LRP1B: variants seen among roughly 807,000 people sequenced by gnomAD.
LRP1B encodes the protein low-density lipoprotein receptor-related protein 1B.
In LRP1B, 217 loss-of-function variants were observed where a neutral mutation model predicts 556.6. The observed-to-expected ratio is 0.39, with a 90% CI of 0.35 to 0.44. LRP1B has a LOEUF of 0.44. Ranked by LOEUF, LRP1B falls within the 20% of genes least tolerant of loss-of-function variation. The pLI, the probability that LRP1B is intolerant of heterozygous loss-of-function variation, is 1.00. For synonymous variants in LRP1B, 2,047 were observed against 1,865.8 expected (o/e 1.10, Z -2.50); for missense variants, 5,053 against 5,620.8 (o/e 0.90, Z 3.23).
chr2:141,304,448 T>C (rs1686508739), intron 3 of LRP1B, among the ~76,000 whole-genome samples: 1 of 150,966 alleles, frequency 6.6e-6, no homozygotes, highest in Non-Finnish European at 1.5e-5. Context: ...TTTTGTATAT[T>C]GAGAAAGTAG....
chr2:140,716,285 T>A (rs993089048), intron 36 of LRP1B, among the ~76,000 whole-genome samples, 183 bp from the exon 37 acceptor site: 1 of 152,094 alleles, frequency 6.6e-6, no homozygotes, highest in Non-Finnish European at 1.5e-5. Flanking sequence ...ATACTTTCAA[T>A]CCTAATCTCA....
chr2:140,910,598 T>G (rs1190083287), intron 21 of LRP1B, among the ~76,000 whole-genome samples: 1 of 151,840 alleles, frequency 6.6e-6, no homozygotes, highest in Non-Finnish European at 1.5e-5. Flanking sequence ...AAAAGCATAT[T>G]TTTAAAAAAT....
chr2:140,761,816 C>G (rs1368892810), intron 35 of LRP1B, among the ~76,000 whole-genome samples: 1 of 151,638 alleles, frequency 6.6e-6, no homozygotes, highest in Non-Finnish European at 1.5e-5. Context: ...AGCAAGCTGA[C>G]CAATAGAAGC....
At chr2:140,564,614 A>G (rs1681059090) in intron 43 of LRP1B, among the ~76,000 whole-genome samples, 1 of 152,154 alleles carries the variant, frequency 6.6e-6, no homozygotes, top group African/African-American at 2.4e-5. Flanking sequence ...TATCCTCCTG[A>G]CTTCCAAAAT....
intron 32 of LRP1B, among the ~76,000 whole-genome samples, chr2:140,788,704 G>T (rs1689998627): frequency 6.6e-6 from 1 of 152,186 alleles, no homozygotes; most frequent in African/African-American, 2.4e-5. Context: ...CTTAAGCAAA[G>T]TCTAAAGAGG....
chr2:141,218,438 A>G (rs1682903055), intron 6 of LRP1B, among the ~76,000 whole-genome samples: 1 of 152,216 alleles, frequency 6.6e-6, no homozygotes, highest in Non-Finnish European at 1.5e-5. Flanking sequence ...TATACCCAAT[A>G]GAACACTATG....
intron 84 of LRP1B, among the ~76,000 whole-genome samples, chr2:140,284,696 T>C (rs189429288): frequency 6.8e-6 from 1 of 146,760 alleles, no homozygotes; most frequent in Admixed American, 7.1e-5. Context: ...AGCAACGATT[T>C]CTGATATACA....
intron 82 of LRP1B, among the ~76,000 whole-genome samples, chr2:140,320,050 C>G (rs1295729041): frequency 6.6e-6 from 1 of 152,152 alleles, no homozygotes; most frequent in Non-Finnish European, 1.5e-5. Flanking sequence ...ACTTCTCAGA[C>G]AGCTTTTCTG....
chr2:140,474,092 C>T (rs191489713), intron 60 of LRP1B, among the ~76,000 whole-genome samples: 1 of 152,060 alleles, frequency 6.6e-6, no homozygotes, highest in Non-Finnish European at 1.5e-5. Flanking sequence ...TGTTCTTACC[C>T]TTAAGAAAGC....
At chr2:142,088,027 T>A (rs1243331035) in intron 1 of LRP1B, among the ~76,000 whole-genome samples, 2 of 152,188 alleles carry the variant, frequency 1.3e-5, no homozygotes, top group Non-Finnish European at 1.5e-5. Flanking sequence ...ATTATTTATG[T>A]GTCAAAAGTG....
chr2:141,329,415 C>T (rs113003661), intron 3 of LRP1B, among the ~76,000 whole-genome samples: 3,083 of 144,818 alleles, frequency 0.021, 56 homozygotes, highest in Non-Finnish European at 0.034. Flanking sequence ...GAGGCCGAGG[C>T]TGGTGGATCC....
chr2:141,240,530 A>G (rs1054530696), intron 5 of LRP1B, among the ~76,000 whole-genome samples: 1 of 152,080 alleles, frequency 6.6e-6, no homozygotes, highest in African/African-American at 2.4e-5. Context: ...TAATTTTTAT[A>G]AATTTAAATG....
chr2:141,674,800 C>T (rs542910656), intron 2 of LRP1B, among the ~76,000 whole-genome samples: 33 of 152,016 alleles, frequency 2.2e-4, no homozygotes, highest in South Asian at 1.0e-3. Context: ...TGCATTGCAA[C>T]GGGTAGATTT....
At chr2:140,294,198 A>G (rs1297254697) in intron 84 of LRP1B, among the ~76,000 whole-genome samples, 4 of 152,180 alleles carry the variant, frequency 2.6e-5, no homozygotes, top group Admixed American at 2.0e-4. Context: ...GACATGTTCT[A>G]TGTTGGTCTA....
intron 1 of LRP1B, among the ~76,000 whole-genome samples, chr2:141,961,698 A>T (rs562337514): frequency 5.9e-4 from 90 of 151,836 alleles, no homozygotes; most frequent in African/African-American, 2.1e-3. Context: ...AAATAGGAAA[A>T]CTGAAAATTT....
chr2:140,907,246 G>A (rs1022130959), intron 22 of LRP1B, among the ~76,000 whole-genome samples: 6 of 151,862 alleles, frequency 4.0e-5, no homozygotes, highest in Non-Finnish European at 8.8e-5. Context: ...CTGATCTCCC[G>A]GAAGAGAAGG....
At chr2:140,529,434 G>T (rs573791594) in intron 47 of LRP1B, among the ~76,000 whole-genome samples, 5 of 102,698 alleles carry the variant, frequency 4.9e-5, no homozygotes, top group East Asian at 4.1e-4. Flanking sequence ...AGCTGAAAAG[G>T]GGGGGGGGAA....
At chr2:141,624,900 G>C (rs6758202) in intron 2 of LRP1B, among the ~76,000 whole-genome samples, 98,983 of 151,918 alleles carry the variant, frequency 0.65, 33,783 homozygotes, top group East Asian at 0.77. Context: ...CTCCCAAGTA[G>C]CTGGGACTAC....
chr2:141,493,810 C>A (rs1683421299), intron 2 of LRP1B, among the ~76,000 whole-genome samples: 1 of 152,168 alleles, frequency 6.6e-6, no homozygotes, highest in African/African-American at 2.4e-5. Flanking sequence ...CTGTATTTGT[C>A]TGTTTTCAGT....
Sources: allele counts gnomAD v4.1 joint callset (sites outside exome capture counted in the v4.1 genomes callset), GRCh38; gene constraint gnomAD v4.1.1; transcripts MANE v1.5; gene names NCBI Gene and HGNC (gene_info 2026-07-23, HGNC 2026-07-21).